SGMS2: variants seen among roughly 807,000 people sequenced by gnomAD.
The protein encoded by SGMS2 is sphingomyelin synthase 2.
In SGMS2, 21 loss-of-function variants were observed where a neutral mutation model predicts 43.8. The ratio of observed to expected loss-of-function variants is 0.48; its 90% CI spans 0.34 to 0.69. The LOEUF (loss-of-function observed/expected upper bound fraction) is 0.69, where lower values mean the gene tolerates loss of function less well. SGMS2 is among the 30% of genes least tolerant of loss of function. SGMS2 has a pLI of 0.01. For synonymous variants in SGMS2, 167 were observed against 160.6 expected, an observed-to-expected ratio of 1.04 and a Z score of -0.30; for missense variants, 384 against 443.2, an observed-to-expected ratio of 0.87 and a Z score of 1.20.
At chr4:107,889,706 AC>A (rs1184211294) in intron 2 of SGMS2, among the ~76,000 whole-genome samples, 1 of 152,196 alleles carries the variant, frequency 6.6e-6, no homozygotes, top group Non-Finnish European at 1.5e-5. Context: ...AACCTGTTTC[AC>A]AACCTTAGGT....
intron 1 of SGMS2, among the ~76,000 whole-genome samples, chr4:107,857,316 T>C (rs564008080): frequency 3.3e-5 from 5 of 152,124 alleles, no homozygotes; most frequent in Admixed American, 1.3e-4. Context: ...AATGCTGTTA[T>C]GAATATTTGT....
intron 2 of SGMS2, chr4:107,867,769 G>A (rs1046917129): frequency 3.3e-5 from 5 of 152,038 alleles, no homozygotes; most frequent in African/African-American, 1.2e-4. Context: ...GTTAGCTATA[G>A]CTCTTGTTCT....
intron 5 of SGMS2, among the ~76,000 whole-genome samples, chr4:107,906,116 G>A (rs554029130): frequency 2.0e-5 from 3 of 152,110 alleles, no homozygotes; most frequent in Non-Finnish European, 4.4e-5. Context: ...TATACCATAT[G>A]TTCTTGTTCT....
chr4:107,881,983 A>G (rs942245084), intron 2 of SGMS2, among the ~76,000 whole-genome samples: 2 of 152,164 alleles, frequency 1.3e-5, no homozygotes, highest in Non-Finnish European at 2.9e-5. Context: ...TGTTGTGTAT[A>G]TGTACTACAT....
intron 2 of SGMS2, among the ~76,000 whole-genome samples, chr4:107,892,661 G>A (rs549834446): frequency 1.1e-4 from 16 of 152,134 alleles, no homozygotes; most frequent in Admixed American, 8.5e-4. Context: ...GGTTCGGTCC[G>A]GAAAGGTGGG....
intron 5 of SGMS2, among the ~76,000 whole-genome samples, chr4:107,904,973 G>A (rs61609850): frequency 1.8e-4 from 28 of 152,240 alleles, no homozygotes; most frequent in African/African-American, 6.5e-4. Context: ...GGATGAGGGT[G>A]GAGGTGGGGG....
At chr4:107,843,072 A>G (rs1456051614) in intron 1 of SGMS2, among the ~76,000 whole-genome samples, 1 of 152,132 alleles carries the variant, frequency 6.6e-6, no homozygotes, top group Admixed American at 6.6e-5. Flanking sequence ...TCACTAAACA[A>G]AACAAGACCT....
chr4:107,853,625 C>G (rs781183142), intron 1 of SGMS2, among the ~76,000 whole-genome samples: 3 of 152,152 alleles, frequency 2.0e-5, no homozygotes, highest in Admixed American at 6.6e-5. Flanking sequence ...ACATGTGATT[C>G]TTTAGGAACA....
At chr4:107,903,835 C>T (rs992752538) in intron 5 of SGMS2, among the ~76,000 whole-genome samples, 1 of 152,138 alleles carries the variant, frequency 6.6e-6, no homozygotes, top group Non-Finnish European at 1.5e-5. Flanking sequence ...TTAATGTGTT[C>T]CCCTTTTTAA....
At chr4:107,885,188 ACT>A (rs1729651573) in intron 2 of SGMS2, among the ~76,000 whole-genome samples, 1 of 152,122 alleles carries the variant, frequency 6.6e-6, no homozygotes, top group African/African-American at 2.4e-5. Flanking sequence ...CAAATGGCAA[ACT>A]CTGAACCTTC....
intron 4 of SGMS2, among the ~76,000 whole-genome samples, chr4:107,900,036 C>CT (rs768508301): frequency 6.6e-6 from 1 of 151,954 alleles, no homozygotes; most frequent in Non-Finnish European, 1.5e-5. Flanking sequence ...TCTTCTGGAG[C>CT]TTATATTCTA....
intron 2 of SGMS2, among the ~76,000 whole-genome samples, chr4:107,890,394 G>A (rs922179624): frequency 7.2e-5 from 11 of 152,198 alleles, no homozygotes; most frequent in South Asian, 2.1e-4. Flanking sequence ...AAAAACGGGC[G>A]CTAGGCATGG....
chr4:107,885,938 G>T (rs1282910310), intron 2 of SGMS2, among the ~76,000 whole-genome samples: 2 of 152,134 alleles, frequency 1.3e-5, no homozygotes, highest in Non-Finnish European at 2.9e-5. Context: ...TTTGAGGAAA[G>T]CTGTAAAAAT....
chr4:107,913,411 G>C lies in SGMS2; in HGVS notation c.*2858G>C, dbSNP rs952378061. On this transcript the variant is annotated 3_prime_UTR_variant, in exon 7 of 7. Transcript: ENST00000690982. ...CAAGTTTTGCTGTGGCAGGAAGGCT[G>C]TTTTGAGAGTGAGCGTTGAGTCTAC... The C allele has an allele frequency of 2.0e-5, 3 of 152,112 alleles. No homozygotes were observed. The highest frequency in any genetic ancestry group is 4.4e-5 in the Non-Finnish European group (3 of 68,022). The allele number at this position is 152,112 out of a possible 1,614,324, so 9.4% of individuals were successfully genotyped here.
intron 2 of SGMS2, chr4:107,867,750 TA>T (rs1171235605): frequency 2.0e-4 from 30 of 152,348 alleles, no homozygotes; most frequent in African/African-American, 6.7e-4. Context: ...TAGTAAGTAC[TA>T]TATGAGTGTT....
chr4:107,839,183 A>G (rs1167241148), intron 1 of SGMS2, among the ~76,000 whole-genome samples: 2 of 152,114 alleles, frequency 1.3e-5, no homozygotes, highest in Admixed American at 1.3e-4. Flanking sequence ...CTCTGAATTT[A>G]CTTCATACAA....
intron 1 of SGMS2, among the ~76,000 whole-genome samples, chr4:107,845,802 G>A (rs575725734): frequency 2.0e-5 from 3 of 152,304 alleles, no homozygotes; most frequent in East Asian, 3.9e-4. Flanking sequence ...TGTGTTGCAC[G>A]CTGAATGAGG....
chr4:107,841,956 A>C (rs968578286), intron 1 of SGMS2, among the ~76,000 whole-genome samples: 50 of 151,668 alleles, frequency 3.3e-4, no homozygotes, highest in African/African-American at 1.2e-3. Context: ...CTGACCTTTA[A>C]AAAAATTTTT....
At chr4:107,849,414 A>T (rs1274730460) in intron 1 of SGMS2, among the ~76,000 whole-genome samples, 3 of 152,226 alleles carry the variant, frequency 2.0e-5, no homozygotes, top group African/African-American at 7.2e-5. Context: ...ATGAATTTAA[A>T]TTAAAATTTA....
Sources: gnomAD v4.1 joint callset for allele counts (sites outside exome capture counted in the v4.1 genomes callset) on GRCh38, gnomAD v4.1.1 for gene constraint, MANE v1.5 for transcripts, NCBI Gene and HGNC (gene_info 2026-07-23, HGNC 2026-07-21) for gene names.